Variants in REDIC1 observed in about 807,000 individuals in gnomAD.
REDIC1 encodes HEI10 Interacting Protein 1.
chr12:39,731,829 TTC>T, the REDIC1 span, among the ~76,000 whole-genome samples: 1 of 13,422 alleles, frequency 7.5e-5, no homozygotes, highest in African/African-American at 3.6e-4. Flanking sequence ...TCTGCTGCCT[TTC>T]TTTTTTTTTT....
At chr12:39,792,290 A>G in the REDIC1 span, among the ~76,000 whole-genome samples, 2 of 149,176 alleles carry the variant, frequency 1.3e-5, no homozygotes, top group Admixed American at 6.7e-5. Context: ...AAACCTAGGC[A>G]TTACCATTCA....
chr12:39,700,576 C>A, the REDIC1 span, among the ~76,000 whole-genome samples: 38 of 152,022 alleles, frequency 2.5e-4, no homozygotes, highest in African/African-American at 8.9e-4. Context: ...ATTCAGGAAA[C>A]AGAGATAATG....
At chr12:39,731,588 C>A in the REDIC1 span, among the ~76,000 whole-genome samples, 3 of 152,298 alleles carry the variant, frequency 2.0e-5, no homozygotes, top group East Asian at 5.8e-4. Context: ...TGTCTGTCAA[C>A]CCCTGCTGGG....
the REDIC1 span, among the ~76,000 whole-genome samples, chr12:39,815,267 G>C: frequency 6.6e-6 from 1 of 152,160 alleles, no homozygotes; most frequent in Non-Finnish European, 1.5e-5. Flanking sequence ...TAGAAAAAGA[G>C]AAAACAGAAT....
At chr12:39,820,191 T>C in the REDIC1 span, among the ~76,000 whole-genome samples, 1 of 152,156 alleles carries the variant, frequency 6.6e-6, no homozygotes, top group Non-Finnish European at 1.5e-5. Flanking sequence ...GAAAATAAAG[T>C]TGGTTAATCC....
At chr12:39,655,557 C>T in the REDIC1 span, among the ~76,000 whole-genome samples, 2 of 152,148 alleles carry the variant, frequency 1.3e-5, no homozygotes, top group Non-Finnish European at 2.9e-5. Flanking sequence ...CTCATTATGA[C>T]TATTTGTTTT....
the REDIC1 span, among the ~76,000 whole-genome samples, chr12:39,821,912 ATATTATTAATTTTTT>A: frequency 1.3e-5 from 2 of 152,216 alleles, no homozygotes; most frequent in East Asian, 3.9e-4. Flanking sequence ...AATGAAAAGA[ATATTATTAATTTTTT>A]TATTATTATA....
chr12:39,872,763 C>T, the REDIC1 span, among the ~76,000 whole-genome samples: 1 of 152,140 alleles, frequency 6.6e-6, no homozygotes, highest in African/African-American at 2.4e-5. Context: ...TAAAGTTAAC[C>T]TGAAAACAAA....
chr12:39,898,280 T>C, the REDIC1 span, among the ~76,000 whole-genome samples: 6 of 152,126 alleles, frequency 3.9e-5, no homozygotes, highest in Admixed American at 2.0e-4. Flanking sequence ...AGAAACTCTT[T>C]CGAAAATATA....
the REDIC1 span, among the ~76,000 whole-genome samples, chr12:39,696,912 G>C: frequency 6.6e-6 from 1 of 152,050 alleles, no homozygotes; most frequent in Non-Finnish European, 1.5e-5. Flanking sequence ...AAAGAATGAA[G>C]TATGCCTACA....
chr12:39,890,713 T>A, the REDIC1 span, among the ~76,000 whole-genome samples: 1 of 152,208 alleles, frequency 6.6e-6, no homozygotes. Flanking sequence ...TTATTACATA[T>A]CAATTAAATT....
chr12:39,705,658 T>G, the REDIC1 span, among the ~76,000 whole-genome samples: 1 of 152,234 alleles, frequency 6.6e-6, no homozygotes, highest in African/African-American at 2.4e-5. Flanking sequence ...TGGTTCAAGA[T>G]ACACAAATCA....
chr12:39,732,381 A>G, the REDIC1 span, among the ~76,000 whole-genome samples: 2 of 152,134 alleles, frequency 1.3e-5, no homozygotes. Context: ...TGATCCCTTT[A>G]ACTGGATTGT....
At chr12:39,788,299 C>T in the REDIC1 span, among the ~76,000 whole-genome samples, 1 of 152,032 alleles carries the variant, frequency 6.6e-6, no homozygotes, top group Non-Finnish European at 1.5e-5. Flanking sequence ...AACAGTATGC[C>T]AGTATCACTA....
At chr12:39,646,175 TATTGTAATG>T in the REDIC1 span, among the ~76,000 whole-genome samples, 2 of 152,008 alleles carry the variant, frequency 1.3e-5, no homozygotes, top group South Asian at 4.1e-4. Context: ...TAGTTGTTTA[TATTGTAATG>T]ATTTATTTTA....
At chr12:39,646,369 C>A in the REDIC1 span, 4 of 1,422,648 alleles carry the variant, frequency 2.8e-6, no homozygotes, top group Non-Finnish European at 3.7e-6. Flanking sequence ...TGAATAGAGA[C>A]ATAAAAATGC....
the REDIC1 span, among the ~76,000 whole-genome samples, chr12:39,903,892 C>A: frequency 6.6e-6 from 1 of 152,048 alleles, no homozygotes; most frequent in Non-Finnish European, 1.5e-5. Context: ...ATGAAGCAGC[C>A]TATCAAACTG....
At chr12:39,656,499 A>G in the REDIC1 span, among the ~76,000 whole-genome samples, 5 of 152,228 alleles carry the variant, frequency 3.3e-5, no homozygotes, top group Non-Finnish European at 7.3e-5. Context: ...ATTGATAATG[A>G]TAATAAATGA....
chr12:39,724,311 C>T, the REDIC1 span, among the ~76,000 whole-genome samples: 2 of 152,060 alleles, frequency 1.3e-5, no homozygotes, highest in Non-Finnish European at 2.9e-5. Flanking sequence ...ATTTGTGGAA[C>T]CCACCCCCAA....
Sources: allele counts gnomAD v4.1 joint callset (sites outside exome capture counted in the v4.1 genomes callset), GRCh38; gene constraint gnomAD v4.1.1; transcripts MANE v1.5; gene names NCBI Gene and HGNC (gene_info 2026-07-23, HGNC 2026-07-21).